The following GPR89B variants were observed in gnomAD, a reference collection of about 807,000 sequenced individuals.
The protein encoded by GPR89B is golgi pH regulator B, also known as G protein-coupled receptor 89B.
Under a neutral mutation model 52.4 loss-of-function variants are expected in GPR89B, and 25 were observed. The ratio of observed to expected loss-of-function variants is 0.48; its 90% CI spans 0.35 to 0.67. The LOEUF is 0.67. GPR89B is among the 30% of genes least tolerant of loss of function. The pLI, the probability that GPR89B is intolerant of heterozygous loss-of-function variation, is 0.01. For missense variants in GPR89B, 146 were observed against 450.2 expected (o/e 0.32, Z 6.11); for synonymous variants, 52 against 151.2 (o/e 0.34, Z 4.81).
At chr1:148,013,766 T>A in the GPR89B span, among the ~76,000 whole-genome samples, 1 of 151,930 alleles carries the variant, frequency 6.6e-6, no homozygotes. Flanking sequence ...CTCCTGGGGT[T>A]AAGAGACGTG....
intron 5 of GPR89B, among the ~76,000 whole-genome samples, chr1:147,949,840 CA>C (rs1655429316): frequency 7.1e-6 from 1 of 141,442 alleles, no homozygotes; most frequent in African/African-American, 2.8e-5. Context: ...GCTTGCCGGG[CA>C]GAGGGGCTCC....
At chr1:147,986,605 C>T (rs1658687675) in intron 11 of GPR89B, among the ~76,000 whole-genome samples, 2 of 152,148 alleles carry the variant, frequency 1.3e-5, no homozygotes, top group East Asian at 3.9e-4. Flanking sequence ...ACCAGTTTAC[C>T]ATTTTCTCCC....
intron 1 of GPR89B, among the ~76,000 whole-genome samples, chr1:147,932,497 A>G (rs1653731251): frequency 6.6e-6 from 1 of 151,932 alleles, no homozygotes; most frequent in African/African-American, 2.4e-5. Flanking sequence ...CCTTTTCTTG[A>G]CCTTAATCAG....
At chr1:148,013,912 T>G in the GPR89B span, among the ~76,000 whole-genome samples, 7 of 151,118 alleles carry the variant, frequency 4.6e-5, no homozygotes, top group African/African-American at 7.3e-5. Context: ...CTACAGCGGG[T>G]AGGGAGAGGG....
Position 147,943,635 on chromosome 1 carries a change from T to C in GPR89B, c.313+91T>C, listed in dbSNP as rs587600632. ...GGATAGCTTCATTTCTACATTAACT[T>C]TCAGTATCTACCGCTATTTGAGGAT... On this transcript the variant is annotated intron_variant, in intron 4 of 13. Coordinates refer to ENST00000314163, the MANE Select transcript of GPR89B (RefSeq NM_016334.5). The C allele has an allele frequency of 4.6e-6, 4 of 878,526 alleles. No homozygotes were observed. In the East Asian group the frequency reaches 1.1e-4, roughly 23 times the overall value. The allele number at this position is 878,526 out of a possible 1,614,324, so 54.4% of individuals were successfully genotyped here.
chr1:147,946,994 C>A (rs1451763400), intron 5 of GPR89B, among the ~76,000 whole-genome samples: 4 of 151,866 alleles, frequency 2.6e-5, no homozygotes, highest in Non-Finnish European at 4.4e-5. Flanking sequence ...TAGAGCTTTC[C>A]CAGGACTGTC....
At chr1:148,005,768 A>G in the GPR89B span, among the ~76,000 whole-genome samples, 5 of 151,936 alleles carry the variant, frequency 3.3e-5, no homozygotes, top group African/African-American at 7.3e-5. Context: ...CCCTTTCCCT[A>G]TGGTATATCA....
At chr1:148,002,585 A>G in the GPR89B span, among the ~76,000 whole-genome samples, 1 of 152,226 alleles carries the variant, frequency 6.6e-6, no homozygotes, top group Admixed American at 6.5e-5. Context: ...CTTCTTGCGT[A>G]ATTGTTAGGA....
At chr1:148,017,195 G>A in the GPR89B span, among the ~76,000 whole-genome samples, 1 of 151,462 alleles carries the variant, frequency 6.6e-6, no homozygotes, top group Non-Finnish European at 1.5e-5. Flanking sequence ...GTGCGTGCCA[G>A]GACACCCAGG....
chr1:148,018,897 C>T, the GPR89B span, among the ~76,000 whole-genome samples: 1 of 151,668 alleles, frequency 6.6e-6, no homozygotes, highest in Non-Finnish European at 1.5e-5. Flanking sequence ...AACTCCTGAC[C>T]TCAGGTGATC....
chr1:147,946,011 C>T (rs1168228234), intron 5 of GPR89B, among the ~76,000 whole-genome samples: 4 of 151,964 alleles, frequency 2.6e-5, no homozygotes, highest in African/African-American at 9.7e-5. Context: ...CAAGTATGAG[C>T]CACCACACCC....
At chr1:148,007,064 G>C in the GPR89B span, among the ~76,000 whole-genome samples, 1 of 148,448 alleles carries the variant, frequency 6.7e-6, no homozygotes, top group Non-Finnish European at 1.5e-5. Flanking sequence ...CATCACTATC[G>C]TTGCATTTTT....
At chr1:147,946,443 G>A (rs1553249789) in intron 5 of GPR89B, among the ~76,000 whole-genome samples, 2 of 152,168 alleles carry the variant, frequency 1.3e-5, no homozygotes, top group African/African-American at 4.8e-5. Context: ...ATGCTAATGT[G>A]ATCAGCATGC....
At chr1:147,998,630 A>G in the GPR89B span, among the ~76,000 whole-genome samples, 1 of 151,978 alleles carries the variant, frequency 6.6e-6, no homozygotes, top group Non-Finnish European at 1.5e-5. Flanking sequence ...CTGAAATCCC[A>G]GCACTTTGGG....
intron 1 of GPR89B, among the ~76,000 whole-genome samples, chr1:147,929,516 T>C (rs1454516315): frequency 2.6e-5 from 4 of 152,216 alleles, no homozygotes; most frequent in Non-Finnish European, 4.4e-5. Flanking sequence ...CTGTTGACCT[T>C]CTTCCCCTCA....
At chr1:147,998,424 T>TG (rs1330223839), downstream of GPR89B, among the ~76,000 whole-genome samples, 7 of 147,490 alleles carry the variant, frequency 4.7e-5, no homozygotes, top group East Asian at 1.4e-3. Context: ...GTCATATACT[T>TG]GCAACAGTTC....
In GPR89B at chr1:147,928,921, CTGA is replaced by C. The variant is rs1372019135; in HGVS notation, c.42+345_42+347del. ...CCTCGAAGCTTCCGGGCTGCGCCAACTGATCCTGGACTGGGGAAGCCTGTGTGG... is the reference window on the plus strand; with the variant it reads ...CCTCGAAGCTTCCGGGCTGCGCCAACTCCTGGACTGGGGAAGCCTGTGTGG... On this transcript the variant is annotated intron_variant, in intron 1 of 13. Coordinates refer to ENST00000314163, the MANE Select transcript of GPR89B (RefSeq NM_016334.5). 1.5e-5 allele frequency: 6 copies of C among 397,764 alleles called. No homozygotes were observed. In the Admixed American group the frequency reaches 3.2e-4, roughly 21 times the overall value. 24.6% of individuals were successfully genotyped at this position (397,764 alleles called of 1,614,324 possible). A position where few individuals can be genotyped will look rare whatever the true frequency, so the allele number is the denominator to read the frequency against.
the GPR89B span, among the ~76,000 whole-genome samples, chr1:148,021,359 G>A: frequency 1.3e-5 from 2 of 151,994 alleles, no homozygotes; most frequent in South Asian, 2.1e-4. Context: ...AAAATTACCC[G>A]GGGGTGGTGG....
chr1:148,021,772 TC>T, the GPR89B span: 1 of 150,404 alleles, frequency 6.6e-6, no homozygotes, highest in Non-Finnish European at 1.5e-5. Context: ...TCCACAGGAT[TC>T]TTTTTAATAC....
Sources: gnomAD v4.1 joint callset for allele counts (sites outside exome capture counted in the v4.1 genomes callset) on GRCh38, gnomAD v4.1.1 for gene constraint, MANE v1.5 for transcripts, NCBI Gene and HGNC (gene_info 2026-07-23, HGNC 2026-07-21) for gene names.